Variants in FBXL17 observed in about 807,000 individuals in gnomAD.
FBXL17 encodes F-box/LRR-repeat protein 17.
A neutral mutation model predicts 66.2 loss-of-function variants in FBXL17; 22 were observed. The observed-to-expected ratio is 0.33, with a 90% confidence interval of 0.24 to 0.47. The LOEUF is 0.47. Among genes scored for constraint, FBXL17 ranks in the 20% least tolerant of loss-of-function variants. The probability of loss-of-function intolerance (pLI) is 1.00; values close to 1 mark genes in which losing one functional copy is unlikely to be tolerated. For missense variants in FBXL17, 878 were observed against 948.2 expected, an observed-to-expected ratio of 0.93 and a Z score of 0.97; for synonymous variants, 474 against 400.5, an observed-to-expected ratio of 1.18 and a Z score of -2.19.
At chr5:108,332,718 C>T (rs138369912) in intron 4 of FBXL17, among the ~76,000 whole-genome samples, 1 of 152,116 alleles carries the variant, frequency 6.6e-6, no homozygotes, top group Admixed American at 6.5e-5. Context: ...AGCAATCTTC[C>T]TGCCTCAGCC....
chr5:108,256,778 T>C (rs953375910), intron 4 of FBXL17, among the ~76,000 whole-genome samples: 8 of 152,072 alleles, frequency 5.3e-5, no homozygotes, highest in African/African-American at 1.9e-4. Flanking sequence ...TTATTCCTAT[T>C]ATACTATTCC....
At chr5:108,210,165 T>C (rs1469417550) in intron 5 of FBXL17, among the ~76,000 whole-genome samples, 1 of 152,220 alleles carries the variant, frequency 6.6e-6, no homozygotes, top group Admixed American at 6.5e-5. Context: ...ATATTCCCTA[T>C]ATCATTTTTT....
At position 107,861,856 on chromosome 5, in the gene FBXL17, T is replaced by C. The variant is rs1484483084; in HGVS notation, c.1970A>G (p.Asn657Ser). 2 of 1,524,720 alleles carry C rather than the reference T, an allele frequency of 1.3e-6. No individual in the cohort carries two copies. The highest frequency in any genetic ancestry group is 1.8e-6 in the Non-Finnish European group (2 of 1,129,532). The allele number at this position is 1,524,720 out of a possible 1,614,324, so 94.4% of individuals were successfully genotyped here. Residue 657 changes from asparagine to serine, a missense_variant, in exon 9 of 9, where the codon AAC becomes AGC. Physicochemically the swap from Asn to Ser is conservative, Grantham distance 46. Transcript: ENST00000542267. ...CACCAGCTGTTCCACCGTCACTTCG[T>C]TGACCTGCAAACAAAGAAGAGTCAC... Reference protein sequence around the residue: ...YLGLMRCDKVNEVTVEQLVQQ... With the variant: ...YLGLMRCDKVSEVTVEQLVQQ...
chr5:108,361,392 A>C (rs1748326438), intron 3 of FBXL17, among the ~76,000 whole-genome samples: 1 of 152,112 alleles, frequency 6.6e-6, no homozygotes. Context: ...CTGTGCTGGG[A>C]TATTTCTTTA....
chr5:107,899,707 A>G (rs1185466872), intron 7 of FBXL17, among the ~76,000 whole-genome samples: 1 of 152,208 alleles, frequency 6.6e-6, no homozygotes. Flanking sequence ...CATACGAATG[A>G]ATGGATGATT....
chr5:108,102,629 TG>T (rs1435554885), intron 6 of FBXL17, among the ~76,000 whole-genome samples: 1 of 152,194 alleles, frequency 6.6e-6, no homozygotes, highest in Non-Finnish European at 1.5e-5. Flanking sequence ...CCACAGCAAC[TG>T]TGTTACTTTT....
chr5:108,164,220 C>G (rs2150009869), intron 6 of FBXL17, among the ~76,000 whole-genome samples: 1 of 152,308 alleles, frequency 6.6e-6, no homozygotes, highest in Non-Finnish European at 1.5e-5. Context: ...CCAACCATGA[C>G]ATTAAGCCAT....
chr5:108,326,466 G>A (rs1759857795), intron 4 of FBXL17, among the ~76,000 whole-genome samples: 1 of 152,016 alleles, frequency 6.6e-6, no homozygotes, highest in African/African-American at 2.4e-5. Flanking sequence ...AGCTGGGCAT[G>A]GTGGTGCACG....
intron 6 of FBXL17, among the ~76,000 whole-genome samples, chr5:108,053,498 T>C (rs1023780354): frequency 1.3e-5 from 2 of 151,192 alleles, no homozygotes; most frequent in African/African-American, 4.9e-5. Context: ...TGAGACTCCA[T>C]CTCAGAAAAA....
chr5:107,869,656 C>T (rs371743133), intron 8 of FBXL17, among the ~76,000 whole-genome samples: 2 of 152,126 alleles, frequency 1.3e-5, no homozygotes, highest in Non-Finnish European at 2.9e-5. Context: ...AGCAGGACTT[C>T]GCATGTCCCT....
At chr5:107,924,522 G>A (rs1171927655) in intron 7 of FBXL17, among the ~76,000 whole-genome samples, 2 of 152,174 alleles carry the variant, frequency 1.3e-5, no homozygotes, top group Non-Finnish European at 2.9e-5. Context: ...TGGTAAATAA[G>A]TGGTCAGGCC....
intron 6 of FBXL17, among the ~76,000 whole-genome samples, chr5:108,170,836 G>C (rs1752581584): frequency 6.6e-6 from 1 of 152,136 alleles, no homozygotes; most frequent in Non-Finnish European, 1.5e-5. Context: ...GCCCAGCACT[G>C]TAAGACTTTT....
At chr5:108,080,530 A>G (rs1294480056) in intron 6 of FBXL17, among the ~76,000 whole-genome samples, 2 of 152,232 alleles carry the variant, frequency 1.3e-5, no homozygotes, top group Non-Finnish European at 2.9e-5. Context: ...TGAGCCAAGT[A>G]TGAGTGACCA....
At chr5:108,085,187 T>A (rs1026137316) in intron 6 of FBXL17, among the ~76,000 whole-genome samples, 1 of 152,236 alleles carries the variant, frequency 6.6e-6, no homozygotes, top group Non-Finnish European at 1.5e-5. Context: ...ACAGCTTTAG[T>A]GTTTATAAGT....
At chr5:108,253,914 G>A (rs1696884719) in intron 4 of FBXL17, among the ~76,000 whole-genome samples, 1 of 152,020 alleles carries the variant, frequency 6.6e-6, no homozygotes, top group Admixed American at 6.6e-5. Flanking sequence ...GATCACTTGA[G>A]CCTGGGAGGC....
intron 3 of FBXL17, among the ~76,000 whole-genome samples, chr5:108,353,847 C>A (rs765602312): frequency 3.8e-4 from 58 of 152,178 alleles, no homozygotes; most frequent in Non-Finnish European, 7.6e-4. Context: ...ATAGATCATT[C>A]CTCCTCTCCC....
At chr5:108,226,752 A>G (rs1237425523) in intron 4 of FBXL17, among the ~76,000 whole-genome samples, 1 of 152,174 alleles carries the variant, frequency 6.6e-6, no homozygotes, top group East Asian at 1.9e-4. Flanking sequence ...ATAGAATAAA[A>G]AGTCAGTGTA....
chr5:107,998,986 C>CCAATCAGTCCAAGCTTGAG (rs1393211693), intron 7 of FBXL17, among the ~76,000 whole-genome samples: 9 of 152,198 alleles, frequency 5.9e-5, no homozygotes, highest in Non-Finnish European at 2.9e-5. Context: ...CATGCCCTTC[C>CCAATCAGTCCAAGCTTGAG]CAATCAGTCC....
intron 4 of FBXL17, among the ~76,000 whole-genome samples, chr5:108,324,302 G>A (rs12659121): frequency 0.043 from 6,580 of 151,948 alleles, 764 homozygotes; most frequent in East Asian, 0.39. Flanking sequence ...ATACGTAAAT[G>A]GCCAAGAAAA....
Sources: allele counts gnomAD v4.1 joint callset (sites outside exome capture counted in the v4.1 genomes callset), GRCh38; gene constraint gnomAD v4.1.1; transcripts MANE v1.5; gene names NCBI Gene and HGNC (gene_info 2026-07-23, HGNC 2026-07-21).